The following RIMS1 variants were observed in gnomAD, a reference collection of about 807,000 sequenced individuals.
The protein encoded by RIMS1 is regulating synaptic membrane exocytosis protein 1.
RIMS1 carries 83 observed loss-of-function variants against 214.1 expected under a neutral mutation model. That is an observed-to-expected ratio of 0.39 (90% CI 0.32 to 0.47). The LOEUF (loss-of-function observed/expected upper bound fraction) is 0.47. RIMS1 is among the 20% of genes least tolerant of loss of function. RIMS1 has a pLI of 0.99. For synonymous variants in RIMS1, 793 were observed against 786.8 expected, an observed-to-expected ratio of 1.01 and a Z score of -0.13; for missense variants, 2,050 against 2,161.8, an observed-to-expected ratio of 0.95 and a Z score of 1.03.
chr6:72,097,038 A>T lies in RIMS1; in HGVS notation c.335A>T (p.Asp112Val), dbSNP rs776652269. Reference sequence around the variant, plus strand: ...CGTTACCAGGGCGAGCACAAAGACGATGCTCCGACTTGTGGAATCTGTCAT... The same window carrying T: ...CGTTACCAGGGCGAGCACAAAGACGTTGCTCCGACTTGTGGAATCTGTCAT... ...ARRYQGEHKD[D>V]APTCGICHKT... is the part of the protein sequence containing the mutation. Residue 112 changes from aspartate (D) to valine (V), a missense_variant, in exon 3 of 34, where the codon GAT becomes GTT. Physicochemically the swap from Asp to Val is radical, Grantham distance 152 (BLOSUM62 -3). Coordinates refer to ENST00000521978, the MANE Select transcript of RIMS1 (RefSeq NM_014989.7). 1 of 1,614,010 alleles carries T rather than the reference A, an allele frequency of 6.2e-7. No individual in the cohort carries two copies. Among genetic ancestry groups the T allele is most frequent in the Non-Finnish European group, 8.5e-7 (1 of 1,179,884 alleles).
At chr6:72,073,822 T>C (rs1264486209) in intron 2 of RIMS1, among the ~76,000 whole-genome samples, 4 of 152,230 alleles carry the variant, frequency 2.6e-5, no homozygotes, top group Non-Finnish European at 5.9e-5. Context: ...GGTGTGAGGC[T>C]ATGAATATCA....
chr6:72,282,211 A>C (rs1376166221), intron 23 of RIMS1, among the ~76,000 whole-genome samples: 1 of 152,034 alleles, frequency 6.6e-6, no homozygotes, highest in East Asian at 1.9e-4. Flanking sequence ...AACTATTTTT[A>C]TTTTGAGCTC....
chr6:72,274,710 A>G (rs1232374316), intron 23 of RIMS1, among the ~76,000 whole-genome samples: 1 of 152,184 alleles, frequency 6.6e-6, no homozygotes, highest in Non-Finnish European at 1.5e-5. Context: ...TTCTGGAAAC[A>G]AATTTAAATA....
intron 17 of RIMS1, among the ~76,000 whole-genome samples, 156 bp downstream of exon 17, chr6:72,258,437 C>A (rs184789984): frequency 5.1e-4 from 77 of 152,108 alleles, no homozygotes; most frequent in Admixed American, 1.5e-3. Context: ...CTTTATCCAA[C>A]CTATGTGGCA....
chr6:72,329,260 T>A (rs1178213242), intron 28 of RIMS1, among the ~76,000 whole-genome samples: 1 of 151,672 alleles, frequency 6.6e-6, no homozygotes, highest in Admixed American at 6.6e-5. Flanking sequence ...AGAACATAAT[T>A]CTCCAAATTA....
intron 2 of RIMS1, among the ~76,000 whole-genome samples, chr6:72,057,099 C>T (rs1454947404): frequency 6.6e-6 from 1 of 152,092 alleles, no homozygotes; most frequent in Non-Finnish European, 1.5e-5. Flanking sequence ...ATAATCTGTA[C>T]AACAAACCCC....
chr6:72,290,494 G>A (rs1025361823), intron 24 of RIMS1, among the ~76,000 whole-genome samples, 185 bp from the exon 25 acceptor site: 7 of 152,180 alleles, frequency 4.6e-5, no homozygotes, highest in South Asian at 2.1e-4. Context: ...ACCACATGGC[G>A]TTCACATTTG....
At chr6:72,212,014 T>C (rs2053897545) in intron 6 of RIMS1, among the ~76,000 whole-genome samples, 1 of 152,124 alleles carries the variant, frequency 6.6e-6, no homozygotes, top group African/African-American at 2.4e-5. Flanking sequence ...AGCATATGAA[T>C]ATTATTTAGG....
intron 28 of RIMS1, among the ~76,000 whole-genome samples, chr6:72,323,324 A>G (rs1454753065): frequency 6.6e-6 from 1 of 152,120 alleles, no homozygotes; most frequent in East Asian, 1.9e-4. Flanking sequence ...CTAAACACTA[A>G]CAAGAGTTAT....
intron 1 of RIMS1, among the ~76,000 whole-genome samples, chr6:71,924,648 A>AAAAAAAAAAAAAAAAAAAAAG (rs1781028673): frequency 2.0e-5 from 3 of 149,710 alleles, no homozygotes; most frequent in African/African-American, 7.5e-5. Context: ...AAAAAAAAAA[A>AAAAAAAAAAAAAAAAAAAAAG]TGCAGAAAAT....
chr6:72,018,453 G>A (rs1261368013), intron 2 of RIMS1, among the ~76,000 whole-genome samples: 1 of 152,042 alleles, frequency 6.6e-6, no homozygotes, highest in Non-Finnish European at 1.5e-5. Context: ...TTTTAGACAC[G>A]ATAAATCTGA....
At chr6:72,241,930 G>A (rs543707119) in intron 9 of RIMS1, among the ~76,000 whole-genome samples, 14 of 152,058 alleles carry the variant, frequency 9.2e-5, no homozygotes, top group African/African-American at 3.1e-4. Context: ...AAATAGAGCC[G>A]CCTACATTTA....
chr6:72,352,369 G>A (rs959562228), intron 29 of RIMS1, among the ~76,000 whole-genome samples: 14 of 152,012 alleles, frequency 9.2e-5, no homozygotes, highest in African/African-American at 3.1e-4. Context: ...ATTTAGATAA[G>A]GAAACTAAAA....
intron 2 of RIMS1, among the ~76,000 whole-genome samples, chr6:72,005,885 C>T (rs1807368010): frequency 6.6e-6 from 1 of 152,174 alleles, no homozygotes; most frequent in African/African-American, 2.4e-5. Context: ...CAATGTAACA[C>T]AACATATAGT....
intron 23 of RIMS1, among the ~76,000 whole-genome samples, chr6:72,275,445 T>G (rs1187874209): frequency 6.6e-6 from 1 of 151,764 alleles, no homozygotes; most frequent in Admixed American, 6.6e-5. Context: ...AATCAAGATA[T>G]CCTCAGGATT....
At chr6:71,900,570 T>A (rs911702868) in intron 1 of RIMS1, among the ~76,000 whole-genome samples, 3 of 151,952 alleles carry the variant, frequency 2.0e-5, no homozygotes, top group Non-Finnish European at 4.4e-5. Flanking sequence ...GAAACTTTGG[T>A]GGTGATGGCA....
chr6:72,212,463 A>G (rs879398614), intron 6 of RIMS1, among the ~76,000 whole-genome samples: 13 of 152,124 alleles, frequency 8.5e-5, no homozygotes, highest in Non-Finnish European at 1.9e-4. Flanking sequence ...AATACAGCCT[A>G]AGTTCAAATA....
At chr6:72,078,198 G>A (rs1832394051) in intron 2 of RIMS1, among the ~76,000 whole-genome samples, 1 of 152,320 alleles carries the variant, frequency 6.6e-6, no homozygotes. Context: ...GATTTAAAAT[G>A]CCTTTTCACA....
intron 10 of RIMS1, 112 bp downstream of exon 10, chr6:72,242,549 A>C: frequency 1.4e-6 from 1 of 728,918 alleles, no homozygotes. Context: ...TAGTTTTTGC[A>C]TCAATTATGG....
Sources: gnomAD v4.1 joint callset for allele counts (sites outside exome capture counted in the v4.1 genomes callset) on GRCh38, gnomAD v4.1.1 for gene constraint, MANE v1.5 for transcripts, NCBI Gene and HGNC (gene_info 2026-07-23, HGNC 2026-07-21) for gene names.